The following DZIP3 variants were observed in gnomAD, a reference collection of about 807,000 sequenced individuals.
The protein encoded by DZIP3 is DAZ interacting zinc finger protein 3.
In DZIP3, 118 loss-of-function variants were observed where a neutral mutation model predicts 162.0. The ratio of observed to expected loss-of-function variants is 0.73; its 90% confidence interval spans 0.63 to 0.85. The LOEUF is 0.85. DZIP3 is among the 40% of genes least tolerant of loss of function. The pLI is 0.00. For missense variants in DZIP3, 1,331 were observed against 1,407.0 expected, an observed-to-expected ratio of 0.95 and a Z score of 0.86; for synonymous variants, 438 against 458.6, an observed-to-expected ratio of 0.96 and a Z score of 0.57.
At chr3:108,629,831 T>A (rs1488921767) in intron 8 of DZIP3, among the ~76,000 whole-genome samples, 1 of 151,408 alleles carries the variant, frequency 6.6e-6, no homozygotes, top group Non-Finnish European at 1.5e-5. Flanking sequence ...ATATATAGTA[T>A]TTTTTATTTC....
rs781628335 is a variant in DZIP3, at chr3:108,632,934, TTC to T, written c.697-17_697-16del. The stretch of plus-strand genomic sequence containing the variant: ...ATTATTAGTAATTCATGAGAATTCT[TTC>T]TGTTTTTAAAATCTAGGATCTTCTT... On this transcript the variant is annotated splice_polypyrimidine_tract_variant and intron_variant, in intron 8 of 32. Transcript: ENST00000361582. The T allele has an allele frequency of 7.6e-7, 1 of 1,320,650 alleles. No individual in the cohort carries two copies. The highest frequency in any genetic ancestry group is 1.0e-6 in the Non-Finnish European group (1 of 984,304). 81.8% of individuals were successfully genotyped at this position (1,320,650 alleles called of 1,614,324 possible).
intron 1 of DZIP3, chr3:108,590,126 ATGAT>A (rs1939302084): frequency 2.6e-5 from 4 of 152,286 alleles, no homozygotes; most frequent in South Asian, 2.1e-4. Flanking sequence ...TCTCTCTGGC[ATGAT>A]TGATTGTTTT....
At chr3:108,624,710 C>A (rs1941515590) in intron 6 of DZIP3, among the ~76,000 whole-genome samples, 186 bp downstream of exon 6, 1 of 151,972 alleles carries the variant, frequency 6.6e-6, no homozygotes, top group Non-Finnish European at 1.5e-5. Flanking sequence ...TAGCTTCTTT[C>A]ACTTACATAA....
At chr3:108,627,837 C>G (rs972157022) in intron 7 of DZIP3, among the ~76,000 whole-genome samples, 1 of 151,694 alleles carries the variant, frequency 6.6e-6, no homozygotes, top group Non-Finnish European at 1.5e-5. Flanking sequence ...CACTTGGGCT[C>G]TCCACCTGAC....
rs1451586808 is a variant in DZIP3, at chr3:108,623,309, C to T, written c.376-1135C>T. 2.6e-5 allele frequency among the ~76,000 whole-genome samples: 4 copies of T among 152,050 alleles called. No homozygotes were observed. The East Asian group carries it at 5.8e-4, about 22-fold the overall frequency. Reference sequence around the variant, plus strand: ...ATCTGAAGCCAGCATAGCTCTGAGTCTCACCCAAGGCCCATGGCGAGTACT... The same window carrying T: ...ATCTGAAGCCAGCATAGCTCTGAGTTTCACCCAAGGCCCATGGCGAGTACT... On this transcript the variant is annotated intron_variant, in intron 5 of 32. Coordinates refer to ENST00000361582, the MANE Select transcript of DZIP3 (RefSeq NM_014648.4).
At chr3:108,681,811 T>C (rs1386522005) in intron 26 of DZIP3, among the ~76,000 whole-genome samples, 1 of 146,456 alleles carries the variant, frequency 6.8e-6, no homozygotes, top group African/African-American at 2.7e-5. Flanking sequence ...GTCACCACTC[T>C]CAGCAAACTA....
At chr3:108,667,113 A>C (rs1224097779) in intron 21 of DZIP3, among the ~76,000 whole-genome samples, 1 of 151,996 alleles carries the variant, frequency 6.6e-6, no homozygotes, top group Non-Finnish European at 1.5e-5. Context: ...TGAACCCAGG[A>C]GTTACAGTTC....
In DZIP3 at chr3:108,677,507, A is replaced by G. The variant is rs770656287; in HGVS notation, c.2792A>G (p.Asn931Ser). 1 of 1,612,496 alleles carries G rather than the reference A, an allele frequency of 6.2e-7. No individual in the cohort carries two copies. The highest frequency in any genetic ancestry group is 1.1e-5 in the South Asian group (1 of 91,060). Residue 931 changes from asparagine (N) to serine (S), a missense_variant, in exon 26 of 33, where the codon AAT becomes AGT. Physicochemically the swap from Asn to Ser is conservative, Grantham distance 46. Around this residue, in one of 2 missense-constraint regions of DZIP3, gnomAD observed 1,278 missense variants for 1,317.1 expected, o/e 0.97. Coordinates refer to ENST00000361582, the MANE Select transcript of DZIP3 (RefSeq NM_014648.4). ...GTCTTCTTCTACCAGACACAGTACA[A>G]TGAACAAATAAACAAAGTCAAGCAA... ...NKIAFLRTQY[N>S]EQINKVKQGF...
At chr3:108,619,268 C>CTG (rs369286494) in intron 5 of DZIP3, among the ~76,000 whole-genome samples, 4 of 149,506 alleles carry the variant, frequency 2.7e-5, no homozygotes, top group African/African-American at 9.9e-5. Flanking sequence ...CTGGTTTTTG[C>CTG]TGTGTGTGTG....
rs752000910 is a variant in DZIP3 at position 108,688,095 on chromosome 3, A to G, written c.3269A>G (p.Gln1090Arg). 4.5e-5 allele frequency: 73 copies of G among 1,613,016 alleles called. No homozygotes were observed. The highest frequency in any genetic ancestry group is 6.2e-5 in the Non-Finnish European group (73 of 1,179,414). ...CAGTTTATTGACCCCAAAAAGTCTC[A>G]GGTAAAATGCAAAAACAACCAAAAA... ...ISQFIDPKKS[Q>R]SQGKSVSNVN... Residue 1090 changes from glutamine to arginine, a missense_variant and splice_region_variant, in exon 29 of 33, where the codon CAG becomes CGG. Physicochemically the swap from Gln to Arg is conservative, Grantham distance 43. Coordinates refer to ENST00000361582, the MANE Select transcript of DZIP3 (RefSeq NM_014648.4).
chr3:108,692,363 C>T (rs1944730913), intron 32 of DZIP3, among the ~76,000 whole-genome samples: 1 of 152,116 alleles, frequency 6.6e-6, no homozygotes, highest in Admixed American at 6.6e-5. Context: ...AAAGAATTTA[C>T]ATGTCTGCCC....
chr3:108,612,297 A>G (rs1283500539), intron 4 of DZIP3, among the ~76,000 whole-genome samples: 2 of 152,190 alleles, frequency 1.3e-5, no homozygotes, highest in African/African-American at 4.8e-5. Flanking sequence ...CATTAATACT[A>G]TTATGATTAA....
At chr3:108,650,323 A>G (rs1219360856) in intron 17 of DZIP3, among the ~76,000 whole-genome samples, 1 of 151,846 alleles carries the variant, frequency 6.6e-6, no homozygotes, top group Non-Finnish European at 1.5e-5. Flanking sequence ...GCAGGAGTCA[A>G]GAATTCTAAA....
intron 9 of DZIP3, among the ~76,000 whole-genome samples, chr3:108,634,616 T>C (rs1480158570): frequency 1.3e-5 from 2 of 152,138 alleles, no homozygotes; most frequent in Non-Finnish European, 2.9e-5. Flanking sequence ...TATTTTGTTG[T>C]ACGTAGAATA....
intron 17 of DZIP3, 78 bp from the exon 18 acceptor site, chr3:108,651,059 A>T: frequency 1.9e-6 from 1 of 522,772 alleles, no homozygotes; most frequent in Non-Finnish European, 2.8e-6. Flanking sequence ...AGAAACACTG[A>T]CCTAAATGTA....
intron 14 of DZIP3, 139 bp from the exon 15 acceptor site, chr3:108,646,478 A>G (rs1942626084): frequency 4.5e-6 from 3 of 670,024 alleles, no homozygotes; most frequent in Non-Finnish European, 8.0e-6. Context: ...AACTGGATTG[A>G]TGAGCAAAGC....
chr3:108,601,673 G>A (rs977367307), intron 1 of DZIP3, among the ~76,000 whole-genome samples: 1 of 152,050 alleles, frequency 6.6e-6, no homozygotes, highest in African/African-American at 2.4e-5. Flanking sequence ...CTCTATCTTG[G>A]CCAGGTATTT....
intron 5 of DZIP3, 60 bp downstream of exon 5, chr3:108,616,717 A>G: frequency 8.2e-7 from 1 of 1,221,300 alleles, no homozygotes; most frequent in Non-Finnish European, 1.2e-6. Flanking sequence ...TCTCAGTGAG[A>G]AAACAGCCAA....
chr3:108,687,173 C>G (rs1259327108), intron 28 of DZIP3, among the ~76,000 whole-genome samples: 1 of 151,750 alleles, frequency 6.6e-6, no homozygotes, highest in African/African-American at 2.4e-5. Flanking sequence ...ATTTTTATTT[C>G]AATACAAACA....
Sources: allele counts gnomAD v4.1 joint callset (sites outside exome capture counted in the v4.1 genomes callset), GRCh38; gene constraint gnomAD v4.1.1; regional missense constraint gnomAD v4.1.1; transcripts MANE v1.5; gene names NCBI Gene and HGNC (gene_info 2026-07-23, HGNC 2026-07-21).